The following TMEM130 variants were observed in gnomAD, a reference collection of about 807,000 sequenced individuals.
TMEM130 encodes transmembrane protein 130.
TMEM130 carries 37 observed loss-of-function variants against 42.9 expected under a neutral mutation model. The ratio of observed to expected loss-of-function variants is 0.86; its 90% CI spans 0.66 to 1.13. TMEM130 has a LOEUF of 1.13. TMEM130 is among the 50% of genes most tolerant of loss of function. The pLI is 0.00. For missense variants in TMEM130, 545 were observed against 562.6 expected, an observed-to-expected ratio of 0.97 and a Z score of 0.32; for synonymous variants, 259 against 237.7, an observed-to-expected ratio of 1.09 and a Z score of -0.82.
intron 7 of TMEM130, 67 bp downstream of exon 7, chr7:98,848,516 T>C: frequency 8.6e-7 from 1 of 1,163,042 alleles, no homozygotes; most frequent in Non-Finnish European, 1.3e-6. Flanking sequence ...CTGGCCCCCA[T>C]ACCCTCTCTA....
chr7:98,856,626 T>C (rs1794641374), intron 3 of TMEM130, among the ~76,000 whole-genome samples: 1 of 152,168 alleles, frequency 6.6e-6, no homozygotes. Flanking sequence ...GCCTCCCAAG[T>C]AGCAGGGATC....
At position 98,868,936 on chromosome 7, in the gene TMEM130, A is replaced by G. The variant is rs192399836; in HGVS notation, c.85+841T>C. 2.0e-4 allele frequency among the ~76,000 whole-genome samples: 30 copies of G among 152,160 alleles called. No homozygotes were observed. The East Asian group carries it at 5.8e-3, about 29-fold the overall frequency. On this transcript the variant is annotated intron_variant, in intron 1 of 7. Coordinates refer to ENST00000339375, the MANE Select transcript of TMEM130 (RefSeq NM_152913.3). ...TGAGTTGCAGGTTTTCTTTGACCTC[A>G]TGGTTTTTCTTTCACAAATTTTCAT...
intron 2 of TMEM130, 21 bp downstream of exon 2, chr7:98,863,074 G>T: frequency 6.3e-7 from 1 of 1,596,614 alleles, no homozygotes. Flanking sequence ...AGGCAAACTA[G>T]CAAATGGGAG....
At chr7:98,865,437 C>T (rs1794885747) in intron 1 of TMEM130, among the ~76,000 whole-genome samples, 1 of 152,046 alleles carries the variant, frequency 6.6e-6, no homozygotes, top group African/African-American at 2.4e-5. Flanking sequence ...GAGAAACCCC[C>T]GTTTCTACTA....
intron 1 of TMEM130, chr7:98,866,913 G>A (rs1273440074): frequency 6.7e-6 from 1 of 150,046 alleles, no homozygotes; most frequent in African/African-American, 2.5e-5. Context: ...ACAACACAGC[G>A]ACACCCATTC....
At chr7:98,855,747 G>T (rs782645485) in intron 4 of TMEM130, among the ~76,000 whole-genome samples, 25 of 152,176 alleles carry the variant, frequency 1.6e-4, no homozygotes, top group Non-Finnish European at 2.8e-4. Flanking sequence ...GCATGGACTG[G>T]CCAATTCACA....
Position 98,860,240 on chromosome 7 carries a change from G to A in TMEM130, c.490C>T (p.His164Tyr), listed in dbSNP as rs781802006. The change falls in exon 3 of 8, where the codon CAC becomes TAC. Residue 164 changes from histidine to tyrosine, a missense_variant. Transcript: ENST00000339375. Reference protein sequence around the residue: ...KTVLKVSFLLHDPSNFLKTAL... With the variant: ...KTVLKVSFLLYDPSNFLKTAL... Reference sequence around the variant, plus strand: ...GTCTTGAGGAAGTTGCTCGGGTCGTGGAGGAGGAAGGAGACTTTCAGGACG... The same window carrying A: ...GTCTTGAGGAAGTTGCTCGGGTCGTAGAGGAGGAAGGAGACTTTCAGGACG... 33 of 1,614,096 alleles carry A rather than the reference G, an allele frequency of 2.0e-5. No homozygotes were observed. Among genetic ancestry groups the A allele is most frequent in the Non-Finnish European group, 2.7e-5 (32 of 1,179,986 alleles).
intron 5 of TMEM130, among the ~76,000 whole-genome samples, chr7:98,853,155 G>A (rs1562906206): frequency 1.3e-5 from 2 of 152,152 alleles, no homozygotes; most frequent in Non-Finnish European, 2.9e-5. Flanking sequence ...TATCAGGGCT[G>A]CTAAACCCAC....
chr7:98,848,252 G>A (rs1030522789), intron 7 of TMEM130, 44 bp from the exon 8 acceptor site: 13 of 1,611,816 alleles, frequency 8.1e-6, no homozygotes, highest in Non-Finnish European at 1.1e-5. Flanking sequence ...CACCTATGAT[G>A]AACAAAATCC....
intron 2 of TMEM130, among the ~76,000 whole-genome samples, chr7:98,862,430 G>A (rs1794798292): frequency 1.3e-5 from 2 of 150,432 alleles, no homozygotes; most frequent in Admixed American, 1.3e-4. Context: ...GAAAAGAAAG[G>A]GGAGAAAGAG....
chr7:98,867,096 C>G (rs1554400734), intron 1 of TMEM130: 1 of 152,046 alleles, frequency 6.6e-6, no homozygotes, highest in East Asian at 1.9e-4. Flanking sequence ...GAGACCCTTT[C>G]TACAAAAATA....
At chr7:98,858,724 T>C (rs1167701539) in intron 3 of TMEM130, among the ~76,000 whole-genome samples, 1 of 151,940 alleles carries the variant, frequency 6.6e-6, no homozygotes, top group African/African-American at 2.4e-5. Context: ...TAGTGGTGCA[T>C]GCCTGTAATC....
At chr7:98,859,911 A>G (rs934583610) in intron 3 of TMEM130, among the ~76,000 whole-genome samples, 1 of 151,884 alleles carries the variant, frequency 6.6e-6, no homozygotes, top group Non-Finnish European at 1.5e-5. Flanking sequence ...AATAAAAAAA[A>G]TACAAAAATT....
At chr7:98,852,071 C>T (rs1029735838) in intron 5 of TMEM130, among the ~76,000 whole-genome samples, 7 of 152,114 alleles carry the variant, frequency 4.6e-5, no homozygotes, top group East Asian at 1.9e-4. Context: ...CTCAGCCTCC[C>T]GAGTAGCTGG....
chr7:98,849,316 A>T (rs1160709947), intron 6 of TMEM130, among the ~76,000 whole-genome samples: 3 of 152,152 alleles, frequency 2.0e-5, no homozygotes, highest in Non-Finnish European at 2.9e-5. Context: ...TGCTAAGGAG[A>T]TGCAACAAGA....
intron 1 of TMEM130, 95 bp from the exon 2 acceptor site, chr7:98,863,495 A>G: frequency 1.6e-6 from 2 of 1,284,282 alleles, no homozygotes; most frequent in Admixed American, 2.8e-5. Flanking sequence ...TCTATTTCCC[A>G]GGTGGAGAAA....
At chr7:98,859,718 AT>A (rs1483555618) in intron 3 of TMEM130, among the ~76,000 whole-genome samples, 21 of 118,262 alleles carry the variant, frequency 1.8e-4, no homozygotes, top group African/African-American at 4.8e-4. Flanking sequence ...CTACTAAAAA[AT>A]ATAAATAAAT....
At position 98,856,909 on chromosome 7, in the gene TMEM130, T is replaced by A. The variant is rs74468508; in HGVS notation, c.552-726A>T. Among the ~76,000 whole-genome samples, 1,253 of 148,716 alleles carry A rather than the reference T, an allele frequency of 8.4e-3. 10 individuals carry two copies. The highest frequency in any genetic ancestry group is 0.027 in the African/African-American group (1,082 of 40,636). ...ACTGTACTTTTTATCTCTCTCTCCC[T>A]TTTTTTTTTATTTTTTATTTTCCTT... is the stretch of plus-strand genomic sequence containing the variant. On this transcript the variant is annotated intron_variant, in intron 3 of 7. Transcript: ENST00000339375.
intron 1 of TMEM130, chr7:98,866,212 G>A (rs1296671915): frequency 6.6e-5 from 10 of 152,284 alleles, no homozygotes; most frequent in African/African-American, 2.4e-4. Flanking sequence ...TCGGGAGGCT[G>A]AGGCCGGAGA....
Sources: gnomAD v4.1 joint callset for allele counts (sites outside exome capture counted in the v4.1 genomes callset) on GRCh38, gnomAD v4.1.1 for gene constraint, MANE v1.5 for transcripts, NCBI Gene and HGNC (gene_info 2026-07-23, HGNC 2026-07-21) for gene names.